DST: variants seen among roughly 807,000 people sequenced by gnomAD.
The protein encoded by DST is bullous pemphigoid antigen.
In DST, 253 loss-of-function variants were observed where a neutral mutation model predicts 875.2. The ratio of observed to expected loss-of-function variants is 0.29; its 90% CI spans 0.26 to 0.32. The LOEUF (loss-of-function observed/expected upper bound fraction) is 0.32, where lower values mean the gene tolerates loss of function less well. Among genes scored for constraint, DST ranks in the 10% least tolerant of loss-of-function variants. The pLI, the probability that DST is intolerant of heterozygous loss-of-function variation, is 1.00. For synonymous variants in DST, 3,124 were observed against 3,197.1 expected (o/e 0.98, Z 0.77); for missense variants, 8,287 against 9,111.6 (o/e 0.91, Z 3.68).
At chr6:56,635,360 C>T (rs1437825076) in intron 24 of DST, among the ~76,000 whole-genome samples, 3 of 150,102 alleles carry the variant, frequency 2.0e-5, no homozygotes, top group Non-Finnish European at 4.4e-5. Context: ...CACGTGCACA[C>T]ACACACACAC....
intron 4 of DST, among the ~76,000 whole-genome samples, chr6:56,757,367 T>C (rs2099606678): frequency 6.6e-6 from 1 of 152,224 alleles, no homozygotes; most frequent in Non-Finnish European, 1.5e-5. Flanking sequence ...CACAACATTC[T>C]GAAATGCACA....
intron 71 of DST, among the ~76,000 whole-genome samples, chr6:56,516,049 A>ATT (rs2152486712): frequency 6.6e-6 from 1 of 152,102 alleles, no homozygotes; most frequent in African/African-American, 2.4e-5. Flanking sequence ...ACAAAATTTA[A>ATT]TTATATATAT....
At chr6:56,668,383 C>T (rs1436740462) in intron 10 of DST, among the ~76,000 whole-genome samples, 10 of 152,090 alleles carry the variant, frequency 6.6e-5, no homozygotes. Flanking sequence ...ACACCCACCT[C>T]TATTTAAATG....
chr6:56,925,785 AG>A (rs1373027427), intron 2 of DST, among the ~76,000 whole-genome samples: 1 of 152,202 alleles, frequency 6.6e-6, no homozygotes, highest in Non-Finnish European at 1.5e-5. Flanking sequence ...CTCTGCTTTC[AG>A]GTCATCTTAT....
intron 90 of DST, among the ~76,000 whole-genome samples, chr6:56,479,104 G>A (rs534608098): frequency 1.3e-5 from 2 of 152,136 alleles, no homozygotes; most frequent in South Asian, 4.2e-4. Context: ...TGAAAACTGG[G>A]AAAAACACAT....
chr6:56,721,431 G>T lies in DST; in HGVS notation c.687+13797C>A, dbSNP rs2099416204. Among the ~76,000 whole-genome samples the T allele has an allele frequency of 3.9e-5, 6 of 152,234 alleles. 1 individual carries two copies. Among genetic ancestry groups the T allele is most frequent in the Admixed American group, 3.3e-4 (5 of 15,286 alleles). ...GACTGGGGAAGTGATAAGTGTCCATGAAATCTTCACAATTTGTGTTTAGAG... is the reference window on the plus strand; with the variant it reads ...GACTGGGGAAGTGATAAGTGTCCATTAAATCTTCACAATTTGTGTTTAGAG... On this transcript the variant is annotated intron_variant, in intron 5 of 103. Transcript: ENST00000680361.
chr6:56,693,131 A>T (rs958476893), intron 9 of DST: 25 of 1,285,302 alleles, frequency 1.9e-5, no homozygotes, highest in Non-Finnish European at 2.4e-5. Flanking sequence ...GCTCTTACAC[A>T]TCCACAGACA....
chr6:56,607,844 T>G lies in DST; in HGVS notation c.6784A>C (p.Asn2262His). 1.9e-6 allele frequency: 3 copies of G among 1,613,600 alleles called. No homozygotes were observed. Among genetic ancestry groups the G allele is most frequent in the Non-Finnish European group, 2.5e-6 (3 of 1,179,718 alleles). The change falls in exon 40 of 104, where the codon AAT (asparagine) becomes CAT (histidine). Residue 2262 changes from asparagine (N) to histidine (H), a missense_variant. By Grantham distance (68) the Asn-to-His change is moderately conservative. Around this residue, in one of 10 missense-constraint regions of DST, gnomAD observed 3,138 missense variants for 3,116.6 expected, o/e 1.01. Transcript: ENST00000680361. ...DVLSSSGVFL[N>H]NASGREKDEC... ...TCCTTTTCTCTACCTGAAGCATTAT[T>G]AAGAAATACACCAGATGAGCTTAAG...
At chr6:56,914,182 T>C (rs1420310466) in intron 2 of DST, among the ~76,000 whole-genome samples, 1 of 152,238 alleles carries the variant, frequency 6.6e-6, no homozygotes, top group African/African-American at 2.4e-5. Context: ...GGCATATTTA[T>C]GGAACCAACA....
At chr6:56,909,686 G>A (rs973898323) in intron 2 of DST, among the ~76,000 whole-genome samples, 29 of 152,212 alleles carry the variant, frequency 1.9e-4, no homozygotes, top group Middle Eastern at 6.8e-3. Context: ...CCACACCCTC[G>A]GAGTTTCTGA....
intron 4 of DST, among the ~76,000 whole-genome samples, chr6:56,821,451 G>C (rs529654259): frequency 6.6e-6 from 1 of 152,314 alleles, no homozygotes; most frequent in African/African-American, 2.4e-5. Flanking sequence ...GGGGCTTAAA[G>C]AGTACAAGGA....
intron 5 of DST, among the ~76,000 whole-genome samples, chr6:56,725,249 T>A (rs2099446963): frequency 6.6e-6 from 1 of 152,200 alleles, no homozygotes; most frequent in South Asian, 2.1e-4. Context: ...AGTAGGAATA[T>A]CTTAGAATAA....
chr6:56,942,878 G>A (rs1057470273), intron 2 of DST, among the ~76,000 whole-genome samples: 14 of 151,596 alleles, frequency 9.2e-5, no homozygotes, highest in South Asian at 4.2e-4. Flanking sequence ...CACCATGCCC[G>A]ACAAAATTTT....
chr6:56,574,809 T>C (rs184099939), intron 50 of DST, among the ~76,000 whole-genome samples: 26 of 152,324 alleles, frequency 1.7e-4, no homozygotes, highest in Admixed American at 1.6e-3. Flanking sequence ...TTATCACTTA[T>C]TGTCCGAGAA....
intron 3 of DST, chr6:56,863,264 C>A (rs1772252547): frequency 6.6e-6 from 1 of 152,212 alleles, no homozygotes. Context: ...CCATCTTGTT[C>A]ATTGTCCCCT....
intron 4 of DST, among the ~76,000 whole-genome samples, chr6:56,848,580 A>G (rs1028623076): frequency 3.9e-5 from 6 of 152,208 alleles, no homozygotes; most frequent in Non-Finnish European, 8.8e-5. Context: ...ACACTGGGTG[A>G]TGAGTGGCCA....
rs757844735 is a variant in DST, at chr6:56,527,559, T to C, written c.17856A>G (p.Glu5952=). ...LCTWLDKVEV[E]LLSYETQVLK... is the part of the protein sequence containing the mutation. ...GAACCTGAGTTTCATATGAAAGTAA[T>C]TCCACCTCCACTTTGTCCAGCCAGG... is the stretch of plus-strand genomic sequence containing the variant. The change falls in exon 68 of 104, where the codon GAA becomes GAG. Residue 5952 remains glutamate (E), a synonymous_variant. Coordinates refer to ENST00000680361, the MANE Select transcript of DST (RefSeq NM_001374736.1). The C allele has an allele frequency of 5.0e-6, 8 of 1,613,744 alleles. No homozygotes were observed. Among genetic ancestry groups the C allele is most frequent in the Non-Finnish European group, 6.8e-6 (8 of 1,179,860 alleles).
intron 4 of DST, among the ~76,000 whole-genome samples, chr6:56,792,919 T>G (rs1486880218): frequency 2.0e-5 from 3 of 151,264 alleles, no homozygotes; most frequent in Non-Finnish European, 4.4e-5. Context: ...AATACAAAAA[T>G]GTAGCTAGGC....
intron 97 of DST, among the ~76,000 whole-genome samples, chr6:56,469,667 T>C (rs1458141482): frequency 6.6e-6 from 1 of 152,166 alleles, no homozygotes; most frequent in Non-Finnish European, 1.5e-5. Flanking sequence ...GTAATGTGCA[T>C]GATGTAGATG....
Sources: allele counts gnomAD v4.1 joint callset (sites outside exome capture counted in the v4.1 genomes callset), GRCh38; gene constraint gnomAD v4.1.1; regional missense constraint gnomAD v4.1.1; transcripts MANE v1.5; gene names NCBI Gene and HGNC (gene_info 2026-07-23, HGNC 2026-07-21).